Variants in EYA1 observed in about 807,000 individuals in gnomAD.
EYA1 encodes the protein EYA transcriptional coactivator and phosphatase 1.
In EYA1, 16 loss-of-function variants were observed where a neutral mutation model predicts 82.0. The ratio of observed to expected loss-of-function variants is 0.20; its 90% CI spans 0.13 to 0.30. The LOEUF is 0.30. Among genes scored for constraint, EYA1 ranks in the 10% least tolerant of loss-of-function variants. The pLI is 1.00. For synonymous variants in EYA1, 261 were observed against 264.4 expected, an observed-to-expected ratio of 0.99 and a Z score of 0.12; for missense variants, 633 against 730.7, an observed-to-expected ratio of 0.87 and a Z score of 1.54.
At chr8:71,434,576 A>T (rs1182886784) in intron 2 of EYA1, among the ~76,000 whole-genome samples, 1 of 152,178 alleles carries the variant, frequency 6.6e-6, no homozygotes, top group African/African-American at 2.4e-5. Context: ...GAAGTCTCCC[A>T]AGGAAACAAG....
At chr8:71,328,442 G>A (rs1823418145) in intron 4 of EYA1, among the ~76,000 whole-genome samples, 1 of 152,090 alleles carries the variant, frequency 6.6e-6, no homozygotes, top group South Asian at 2.1e-4. Flanking sequence ...ATTCAACATG[G>A]AGAATCAAAC....
intron 2 of EYA1, among the ~76,000 whole-genome samples, chr8:71,411,973 T>C (rs9692627): frequency 0.26 from 38,590 of 151,246 alleles, 5,037 homozygotes; most frequent in Middle Eastern, 0.34. Flanking sequence ...AGACTTGGAA[T>C]CAAGCCAAAT....
chr8:71,227,496 C>T (rs1251453490), intron 12 of EYA1, among the ~76,000 whole-genome samples: 2 of 152,196 alleles, frequency 1.3e-5, no homozygotes, highest in African/African-American at 4.8e-5. Flanking sequence ...ACCGAGAGAA[C>T]TTTCATCCTT....
intron 3 of EYA1, among the ~76,000 whole-genome samples, chr8:71,341,723 ATCT>A (rs1225714982): frequency 6.6e-6 from 1 of 152,180 alleles, no homozygotes; most frequent in East Asian, 1.9e-4. Flanking sequence ...AGTTAAGGTC[ATCT>A]TCTTTATCTT....
intron 2 of EYA1, among the ~76,000 whole-genome samples, chr8:71,522,601 T>G (rs1279153452): frequency 6.6e-6 from 1 of 151,762 alleles, no homozygotes; most frequent in Non-Finnish European, 1.5e-5. Context: ...GTATGGAAAA[T>G]TCTGCTATCA....
intron 3 of EYA1, 79 bp from the exon 4 acceptor site, chr8:71,334,253 G>C (rs759612985): frequency 9.3e-7 from 1 of 1,080,702 alleles, no homozygotes; most frequent in African/African-American, 1.5e-5. Flanking sequence ...ATAACATTCA[G>C]AGTAATGACA....
chr8:71,270,681 T>C (rs1335020339), intron 10 of EYA1, among the ~76,000 whole-genome samples: 1 of 152,250 alleles, frequency 6.6e-6, no homozygotes, highest in African/African-American at 2.4e-5. Flanking sequence ...TTCAAGGCTA[T>C]GAAATCTACC....
intron 2 of EYA1, among the ~76,000 whole-genome samples, chr8:71,534,424 A>G (rs1586902396): frequency 6.6e-6 from 1 of 152,280 alleles, no homozygotes; most frequent in Non-Finnish European, 1.5e-5. Context: ...TAGAATATCC[A>G]TAAAATACAC....
chr8:71,258,633 A>T (rs1647782032), intron 11 of EYA1, among the ~76,000 whole-genome samples: 1 of 152,230 alleles, frequency 6.6e-6, no homozygotes, highest in Admixed American at 6.5e-5. Context: ...AAGGGAGTAC[A>T]TTCTCACATG....
intron 11 of EYA1, among the ~76,000 whole-genome samples, chr8:71,264,918 C>T (rs886708466): frequency 2.6e-5 from 4 of 152,044 alleles, no homozygotes; most frequent in South Asian, 2.1e-4. Flanking sequence ...AAAACAATTC[C>T]GCAAGTCACG....
At chr8:71,489,862 A>G (rs1810866671) in intron 2 of EYA1, among the ~76,000 whole-genome samples, 1 of 152,222 alleles carries the variant, frequency 6.6e-6, no homozygotes, top group African/African-American at 2.4e-5. Flanking sequence ...CAAACCATCT[A>G]AAGAATTACT....
At chr8:71,390,271 CTTT>C (rs577622634) in intron 2 of EYA1, among the ~76,000 whole-genome samples, 15 of 136,846 alleles carry the variant, frequency 1.1e-4, no homozygotes, top group Admixed American at 3.7e-4. Context: ...TTGGATAATT[CTTT>C]TTTTTTTTTT....
In EYA1 at chr8:71,483,862, G is replaced by A. The variant is rs117801321; in HGVS notation, c.33+51882C>T. Among the ~76,000 whole-genome samples the A allele has an allele frequency of 1.0e-3, 157 of 152,200 alleles. 1 individual carries two copies. In the East Asian group the frequency reaches 0.02, roughly 19 times the overall value. On this transcript the variant is annotated intron_variant, in intron 2 of 18. Transcript: ENST00000643681. Reference sequence around the variant, plus strand: ...AATGAGTTTGACTAAATAAGAGTAAGGTATGAAATTGGAGGTGGGAAACAA... The same window carrying A: ...AATGAGTTTGACTAAATAAGAGTAAAGTATGAAATTGGAGGTGGGAAACAA...
intron 1 of EYA1, among the ~76,000 whole-genome samples, chr8:71,536,059 T>A (rs1311689263): frequency 6.6e-6 from 1 of 152,212 alleles, no homozygotes. Context: ...AGCTCAGTTG[T>A]GTCTGCTGTC....
At chr8:71,478,390 A>G (rs1433134418) in intron 2 of EYA1, among the ~76,000 whole-genome samples, 1 of 152,188 alleles carries the variant, frequency 6.6e-6, no homozygotes, top group East Asian at 1.9e-4. Flanking sequence ...ACAATTAATC[A>G]TAGTCCAATA....
chr8:71,481,893 T>C (rs1810190222), intron 2 of EYA1, among the ~76,000 whole-genome samples: 1 of 152,014 alleles, frequency 6.6e-6, no homozygotes, highest in South Asian at 2.1e-4. Context: ...ATTTTAGTGG[T>C]TGATTTATTC....
rs142202049 is a variant in EYA1 at position 71,500,212 on chromosome 8, A to T, written c.33+35532T>A. 8.6e-4 allele frequency among the ~76,000 whole-genome samples: 131 copies of T among 152,320 alleles called. 1 individual carries two copies. The highest frequency in any genetic ancestry group is 3.0e-3 in the African/African-American group (125 of 41,578). ...CATATGAATAAATTTATTCTAATTCACCACACCCATCTTGAAAGAAAAAAA... is the reference window on the plus strand; with the variant it reads ...CATATGAATAAATTTATTCTAATTCTCCACACCCATCTTGAAAGAAAAAAA... On this transcript the variant is annotated intron_variant, in intron 2 of 18. Transcript: ENST00000643681.
At chr8:71,498,540 G>A (rs1295208189) in intron 2 of EYA1, among the ~76,000 whole-genome samples, 2 of 152,024 alleles carry the variant, frequency 1.3e-5, no homozygotes, top group Admixed American at 1.3e-4. Context: ...AAGAGCATAG[G>A]ATGTTCATGA....
At chr8:71,457,882 A>AT (rs1808074084) in intron 2 of EYA1, among the ~76,000 whole-genome samples, 2 of 152,198 alleles carry the variant, frequency 1.3e-5, no homozygotes, top group Admixed American at 1.3e-4. Flanking sequence ...TTAAGGTATA[A>AT]TAAAAAAAAG....
Sources: gnomAD v4.1 joint callset for allele counts (sites outside exome capture counted in the v4.1 genomes callset) on GRCh38, gnomAD v4.1.1 for gene constraint, MANE v1.5 for transcripts, NCBI Gene and HGNC (gene_info 2026-07-23, HGNC 2026-07-21) for gene names.